Variants in DNAH5 observed in about 807,000 individuals in gnomAD.
The protein encoded by DNAH5 is dynein axonemal heavy chain 5.
Under a neutral mutation model 518.2 loss-of-function variants are expected in DNAH5, and 372 were observed. That is an observed-to-expected ratio of 0.72 (90% CI 0.66 to 0.78). The LOEUF is 0.78. Among genes scored for constraint, DNAH5 ranks in the 30% least tolerant of loss-of-function variants. The probability of loss-of-function intolerance (pLI) is 0.00; values close to 1 mark genes in which losing one functional copy is unlikely to be tolerated. For synonymous variants in DNAH5, 2,039 were observed against 2,025.9 expected (o/e 1.01, Z -0.17); for missense variants, 5,523 against 5,687.0 (o/e 0.97, Z 0.93).
intron 12 of DNAH5, among the ~76,000 whole-genome samples, chr5:13,902,742 G>A (rs1036539226): frequency 1.3e-5 from 2 of 152,018 alleles, no homozygotes; most frequent in Non-Finnish European, 1.5e-5. Flanking sequence ...ATCCCACATC[G>A]GTGCCACACC....
At chr5:14,002,490 A>T (rs569285843) in intron 1 of DNAH5, among the ~76,000 whole-genome samples, 1 of 152,348 alleles carries the variant, frequency 6.6e-6, no homozygotes, top group African/African-American at 2.4e-5. Context: ...GACTAAATTT[A>T]GTAACTTCAA....
At position 13,735,869 on chromosome 5, in the gene DNAH5, T is replaced by C. The variant is rs761555252; in HGVS notation, c.11519A>G (p.Tyr3840Cys). 4 of 1,614,062 alleles carry C rather than the reference T, an allele frequency of 2.5e-6. No homozygotes were observed. The Admixed American group carries it at 5.0e-5, about 20-fold the overall frequency. ...ITEMRLVNEM[Y>C]QTSLRQFLGL... ...CAGAAACTGGCGAAGCGAAGTCTGA[T>C]ACATCTCATTAACCAAGCGCATCTC... is the stretch of plus-strand genomic sequence containing the variant. Residue 3840 changes from tyrosine to cysteine, a missense_variant, in exon 67 of 79, where the codon TAT becomes TGT. Transcript: ENST00000265104.
At chr5:13,955,029 C>A (rs908172653) in intron 1 of DNAH5, among the ~76,000 whole-genome samples, 2 of 152,208 alleles carry the variant, frequency 1.3e-5, no homozygotes, top group African/African-American at 4.8e-5. Flanking sequence ...TGGTTTGGCT[C>A]TCTGTCCCCA....
Position 13,753,406 on chromosome 5 carries a change from A to C in DNAH5, c.10699T>G (p.Leu3567Val). Reference sequence around the variant, plus strand: ...TCACTAATAGTAGGAGCATCAATCAACATCTCACTGAGATTTAGGTTCTTT... The same window carrying C: ...TCACTAATAGTAGGAGCATCAATCACCATCTCACTGAGATTTAGGTTCTTT... The part of the protein sequence containing the change: ...FGKNLNLSEM[L>V]IDAPTISEWN... Residue 3567 changes from leucine to valine, a missense_variant, in exon 63 of 79, where the codon TTG becomes GTG. Coordinates refer to ENST00000265104, the MANE Select transcript of DNAH5 (RefSeq NM_001369.3). 6.2e-7 allele frequency: 1 copy of C among 1,614,068 alleles called. No homozygotes were observed. The highest frequency in any genetic ancestry group is 8.5e-7 in the Non-Finnish European group (1 of 1,179,970).
At chr5:13,896,967 C>A (rs77334941) in intron 15 of DNAH5, among the ~76,000 whole-genome samples, 8 of 33,826 alleles carry the variant, frequency 2.4e-4, no homozygotes, top group African/African-American at 1.1e-3. Context: ...GTACTAGGTC[C>A]AAAGAGATTC....
Position 13,707,750 on chromosome 5 carries a change from C to G in DNAH5, c.13338+373G>C, listed in dbSNP as rs1742989969. Reference sequence around the variant, plus strand: ...TGAGGCATGTTTCCTTCTATGAAACCAACATCATGGACTTTGGAGTCCAGG... The same window carrying G: ...TGAGGCATGTTTCCTTCTATGAAACGAACATCATGGACTTTGGAGTCCAGG... On this transcript the variant is annotated intron_variant, in intron 76 of 78. Transcript: ENST00000265104. This position sits in a 1 kb window ranked among gnomAD's most constrained non-coding sequence, Gnocchi z 4.0. 6.6e-6 allele frequency among the ~76,000 whole-genome samples: 1 copy of G among 151,976 alleles called. No individual in the cohort carries two copies. The highest frequency in any genetic ancestry group is 1.5e-5 in the Non-Finnish European group (1 of 68,012).
intron 35 of DNAH5, among the ~76,000 whole-genome samples, chr5:13,836,293 T>C (rs1596791): frequency 0.32 from 48,552 of 152,080 alleles, 8,773 homozygotes; most frequent in African/African-American, 0.49. Context: ...GTCTGGAGTT[T>C]GGGAGAGAAG....
chr5:13,820,239 T>C (rs978234354), intron 41 of DNAH5, 107 bp downstream of exon 41: 19 of 1,145,246 alleles, frequency 1.7e-5, no homozygotes, highest in Non-Finnish European at 2.4e-5. Context: ...TATTTCCTCC[T>C]ATAAAAATAT....
At position 13,901,499 on chromosome 5, in the gene DNAH5, A is replaced by G. The variant is rs1774622517; in HGVS notation, c.1805T>C (p.Met602Thr). ...ILENYGADID[M>T]ISKLYTKQKY... ...CTGCTTTGTATACAGCTTTGAAATC[A>G]TATCAATGTCAGCCCCATAGTTCTC... is the stretch of plus-strand genomic sequence containing the variant. Residue 602 changes from methionine to threonine, a missense_variant, in exon 14 of 79, where the codon ATG (methionine) becomes ACG (threonine). Physicochemically the swap from Met to Thr is moderately conservative, Grantham distance 81. This residue lies in a region of DNAH5 where 5,121 missense variants were observed against 5,223.3 expected (regional missense o/e 0.98). Transcript: ENST00000265104. 10 of 1,613,802 alleles carry G rather than the reference A, an allele frequency of 6.2e-6. No individual in the cohort carries two copies. Among genetic ancestry groups the G allele is most frequent in the South Asian group, 5.5e-5 (5 of 91,076 alleles).
intron 1 of DNAH5, among the ~76,000 whole-genome samples, chr5:14,005,052 C>T (rs1404173223): frequency 2.6e-5 from 4 of 152,112 alleles, no homozygotes; most frequent in Non-Finnish European, 5.9e-5. Flanking sequence ...CATGGTGGGA[C>T]TTGAAAGTCC....
rs184079355 is a variant in DNAH5 at position 13,920,758 on chromosome 5, C to T, written c.661-141G>A. On this transcript the variant is annotated intron_variant, in intron 5 of 78. Coordinates refer to ENST00000265104, the MANE Select transcript of DNAH5 (RefSeq NM_001369.3). ...AGCACATACCTCCTCTCCACTCCCA[C>T]GTGCCTTTGTCCACGCTGCCCCCAG... The T allele has an allele frequency of 1.3e-4, 106 of 826,870 alleles. 1 individual carries two copies. Among genetic ancestry groups the T allele is most frequent in the Middle Eastern group, 1.0e-3 (3 of 3,010 alleles). The allele number at this position is 826,870 out of a possible 1,614,324, so 51.2% of individuals were successfully genotyped here. A position where few individuals can be genotyped will look rare whatever the true frequency, so the allele number is the denominator to read the frequency against.
At chr5:13,956,728 C>T (rs1180630739) in intron 1 of DNAH5, among the ~76,000 whole-genome samples, 1 of 152,202 alleles carries the variant, frequency 6.6e-6, no homozygotes, top group Non-Finnish European at 1.5e-5. Flanking sequence ...TCAACTGCCA[C>T]ATTTTTTCCT....
At chr5:13,813,675 C>CT (rs1212503507) in intron 43 of DNAH5, among the ~76,000 whole-genome samples, 1 of 152,158 alleles carries the variant, frequency 6.6e-6, no homozygotes, top group Admixed American at 6.5e-5. Flanking sequence ...ACATTCAACT[C>CT]TATGTCAACA....
At chr5:13,973,825 ACT>A (rs997725107) in intron 1 of DNAH5, among the ~76,000 whole-genome samples, 3 of 152,128 alleles carry the variant, frequency 2.0e-5, no homozygotes, top group African/African-American at 4.8e-5. Context: ...ACCACGAAAG[ACT>A]CTGCAAAATC....
chr5:13,768,180 T>C (rs1441531565), intron 58 of DNAH5, among the ~76,000 whole-genome samples: 2 of 152,186 alleles, frequency 1.3e-5, no homozygotes, highest in East Asian at 1.9e-4. Context: ...AATCTCCACA[T>C]GTCAAGGGAG....
intron 75 of DNAH5, among the ~76,000 whole-genome samples, chr5:13,713,448 TATATATATATATATATATACAC>T (rs1281017970): frequency 7.8e-6 from 1 of 128,204 alleles, no homozygotes; most frequent in South Asian, 2.4e-4. Flanking sequence ...TATATATATA[TATATATATATATATATATACAC>T]ACACCGATAT....
chr5:13,733,206 G>T (rs962562506), intron 68 of DNAH5, among the ~76,000 whole-genome samples: 1 of 152,042 alleles, frequency 6.6e-6, no homozygotes. Context: ...GTTTGAAAAG[G>T]GTAAATGACC....
chr5:13,768,586 G>T (rs1325490351), intron 58 of DNAH5, among the ~76,000 whole-genome samples: 1 of 152,082 alleles, frequency 6.6e-6, no homozygotes, highest in African/African-American at 2.4e-5. Flanking sequence ...AGAAAACGTC[G>T]TATCTTACAG....
rs1248412247 is a variant in DNAH5 at position 13,751,303 on chromosome 5, T to A, written c.11029-43A>T. The A allele has an allele frequency of 2.7e-6, 4 of 1,488,044 alleles. No individual in the cohort carries two copies. In the East Asian group the frequency reaches 9.8e-5, roughly 37 times the overall value. The allele number at this position is 1,488,044 out of a possible 1,614,324, so 92.2% of individuals were successfully genotyped here. A position where few individuals can be genotyped will look rare whatever the true frequency, so the allele number is the denominator to read the frequency against. On this transcript the variant is annotated intron_variant, in intron 64 of 78. Coordinates refer to ENST00000265104, the MANE Select transcript of DNAH5 (RefSeq NM_001369.3). Reference sequence around the variant, plus strand: ...ATTTAAAAGTAATAAAATAGAGATATACCTTACTGTGTCTTTTTTGTATCA... The same window carrying A: ...ATTTAAAAGTAATAAAATAGAGATAAACCTTACTGTGTCTTTTTTGTATCA...
Sources: gnomAD v4.1 joint callset for allele counts (sites outside exome capture counted in the v4.1 genomes callset) on GRCh38, gnomAD v4.1.1 for gene constraint, gnomAD v4.1.1 regional missense constraint, Gnocchi (gnomAD v3.1) non-coding constraint, MANE v1.5 for transcripts, NCBI Gene and HGNC (gene_info 2026-07-23, HGNC 2026-07-21) for gene names.